The following SZT2 variants were observed in gnomAD, a reference collection of about 807,000 sequenced individuals.
SZT2 encodes KICSTOR complex protein SZT2.
In SZT2, 216 loss-of-function variants were observed where a neutral mutation model predicts 404.2. That is an observed-to-expected ratio of 0.53 (90% CI 0.48 to 0.60). The LOEUF is 0.60. SZT2 is among the 20% of genes least tolerant of loss of function. SZT2 has a pLI of 0.00. For synonymous variants in SZT2, 1,693 were observed against 1,749.9 expected, an observed-to-expected ratio of 0.97 and a Z score of 0.81; for missense variants, 3,857 against 4,459.2, an observed-to-expected ratio of 0.86 and a Z score of 3.85.
At position 43,420,314 on chromosome 1, in the gene SZT2, C is replaced by A; in HGVS notation, c.1252C>A (p.Leu418Met). ...GGGCTACAGTGTCCGAGAGGTCACA[C>A]TGGCCAAAGGTAAGGGTCATTAGGC... ...REGYSVREVTLAKGGSQLEVK... is the reference protein window; with the variant it reads ...REGYSVREVTMAKGGSQLEVK... The change falls in exon 9 of 72, where the codon CTG (leucine) becomes ATG (methionine). Residue 418 changes from leucine (L) to methionine (M), a missense_variant. Around this residue, in one of 7 missense-constraint regions of SZT2, gnomAD observed 536 missense variants for 637.4 expected, o/e 0.84. Coordinates refer to ENST00000634258, the MANE Select transcript of SZT2 (RefSeq NM_001365999.1). This position sits in a 1 kb window ranked among gnomAD's most constrained non-coding sequence, Gnocchi z 5.1. 6.3e-7 allele frequency: 1 copy of A among 1,591,816 alleles called. No homozygotes were observed. The highest frequency in any genetic ancestry group is 1.3e-5 in the African/African-American group (1 of 74,914).
intron 1 of SZT2, among the ~76,000 whole-genome samples, chr1:43,393,460 C>T (rs1050595899): frequency 9.9e-5 from 15 of 152,184 alleles, no homozygotes; most frequent in African/African-American, 3.6e-4. Flanking sequence ...AGCATTTGAT[C>T]CTAAGTGCTC....
Position 43,437,062 on chromosome 1 carries a change from G to A in SZT2, c.6035-109G>A. ...GATCATCATTTCTCTGCAATAGTCA[G>A]GGATGAGTCTGGAGGAGTGAGGACA... On this transcript the variant is annotated intron_variant, in intron 42 of 71. Coordinates refer to ENST00000634258, the MANE Select transcript of SZT2 (RefSeq NM_001365999.1). This position sits in a 1 kb window ranked among gnomAD's most constrained non-coding sequence, Gnocchi z 5.3. 1 of 1,387,764 alleles carries A rather than the reference G, an allele frequency of 7.2e-7. No homozygotes were observed. Among genetic ancestry groups the A allele is most frequent in the South Asian group, 1.3e-5 (1 of 76,528 alleles). 86.0% of individuals were successfully genotyped at this position (1,387,764 alleles called of 1,614,324 possible).
chr1:43,451,656 G>A lies in SZT2; in HGVS notation c.*1176G>A. 1.2e-6 allele frequency: 2 copies of A among 1,614,118 alleles called. No homozygotes were observed. Among genetic ancestry groups the A allele is most frequent in the Non-Finnish European group, 8.5e-7 (1 of 1,180,026 alleles). On this transcript the variant is annotated 3_prime_UTR_variant, in exon 72 of 72. Transcript: ENST00000634258. ...AAGGAAGGTCCTCTCACCAACAATG[G>A]GCAGGAACTCCCGGATGTTTCCTGT...
chr1:43,394,724 C>T (rs1648787018), intron 1 of SZT2, among the ~76,000 whole-genome samples: 1 of 151,566 alleles, frequency 6.6e-6, no homozygotes, highest in South Asian at 2.1e-4. Flanking sequence ...ACCAAAAATA[C>T]AAAATTAGCC....
At chr1:43,419,596 C>T (rs1652098683) in intron 7 of SZT2, 138 bp from the exon 8 acceptor site, 1 of 694,244 alleles carries the variant, frequency 1.4e-6, no homozygotes, top group Non-Finnish European at 2.4e-6. Context: ...GTGGTCTGTC[C>T]TGGGAAAACA....
Position 43,428,404 on chromosome 1 carries a change from C to T in SZT2, c.4084C>T (p.Pro1362Ser). Residue 1362 changes from proline (P) to serine (S), a missense_variant, in exon 28 of 72, where the codon CCT (proline) becomes TCT (serine). Around this residue, in one of 7 missense-constraint regions of SZT2, gnomAD observed 1,725 missense variants for 1,881.0 expected, o/e 0.92. Transcript: ENST00000634258. Reference protein sequence around the residue: ...GLPHAPPSPGPLSPGPFSSSM... With the variant: ...GLPHAPPSPGSLSPGPFSSSM... ...GCCTCATGCACCCCCAAGTCCTGGT[C>T]CTCTCAGCCCTGGGCCCTTCAGCAG... is the stretch of plus-strand genomic sequence containing the variant. 1.2e-6 allele frequency: 2 copies of T among 1,614,168 alleles called. No homozygotes were observed. The highest frequency in any genetic ancestry group is 2.2e-5 in the South Asian group (2 of 91,086).
In SZT2 at chr1:43,442,275, A is replaced by G; in HGVS notation, c.7881A>G (p.Lys2627=). 6.2e-7 allele frequency: 1 copy of G among 1,613,260 alleles called. No homozygotes were observed. Among genetic ancestry groups the G allele is most frequent in the Non-Finnish European group, 8.5e-7 (1 of 1,179,560 alleles). The change falls in exon 57 of 72, where the codon AAA becomes AAG. Residue 2627 remains lysine, a synonymous_variant. Transcript: ENST00000634258. This position sits in a 1 kb window ranked among gnomAD's most constrained non-coding sequence, Gnocchi z 4.5. The part of the protein sequence containing the change: ...QWRRPTQQAA[K]AMQRFEPGGD... ...CCCTCCCCCACCCTGTAGCTGCCAAAGCCATGCAGCGCTTCGAGCCAGGAG... is the reference window on the plus strand; with the variant it reads ...CCCTCCCCCACCCTGTAGCTGCCAAGGCCATGCAGCGCTTCGAGCCAGGAG...
At position 43,397,523 on chromosome 1, in the gene SZT2, CTTTTTTTTT is replaced by C. The variant is rs539953021; in HGVS notation, c.28-5652_28-5644del. 1.1e-3 allele frequency among the ~76,000 whole-genome samples: 165 copies of C among 147,152 alleles called. No individual in the cohort carries two copies. The East Asian group carries it at 0.022, about 20-fold the overall frequency. ...AAACAAACATTAAAGTATACAAATT[CTTTTTTTTT>C]TGAGATGGAGAGATGGATGGAGTCT... On this transcript the variant is annotated intron_variant, in intron 1 of 71. Transcript: ENST00000634258.
intron 1 of SZT2, among the ~76,000 whole-genome samples, chr1:43,390,793 T>C (rs1320257973): frequency 6.6e-6 from 1 of 152,150 alleles, no homozygotes; most frequent in Non-Finnish European, 1.5e-5. Context: ...GAGCTTAAAA[T>C]CTCAGATTCG....
At chr1:43,404,961 C>T (rs1193768840) in intron 4 of SZT2, 1 of 155,610 alleles carries the variant, frequency 6.4e-6, no homozygotes, top group Non-Finnish European at 1.4e-5. Flanking sequence ...AGCACATAAC[C>T]CAGAAATGTA....
chr1:43,432,688 G>A, intron 38 of SZT2, 40 bp from the exon 39 acceptor site: 5 of 1,613,660 alleles, frequency 3.1e-6, no homozygotes, highest in Non-Finnish European at 4.2e-6. Context: ...GCCCTAGACA[G>A]GATTGAGAGA....
intron 28 of SZT2, 23 bp downstream of exon 28, chr1:43,428,509 GGA>G: frequency 6.2e-7 from 1 of 1,608,390 alleles, no homozygotes; most frequent in Non-Finnish European, 8.5e-7. Flanking sequence ...CTTGAATGAT[GGA>G]TAAGGGGGTA....
At position 43,447,151 on chromosome 1, in the gene SZT2, G is replaced by T; in HGVS notation, c.9269G>T (p.Arg3090Leu). ...AHHPDGPHFGRNHIYQGTLEL... is the reference protein window; with the variant it reads ...AHHPDGPHFGLNHIYQGTLEL... ...CACCCTGACGGACCCCACTTTGGCC[G>T]CAATCACATTTACCAAGGTCAGTGC... The change falls in exon 66 of 72, where the codon CGC becomes CTC. Residue 3090 changes from arginine (R) to leucine (L), a missense_variant. By Grantham distance (102) the Arg-to-Leu change is moderately radical. Around this residue, in one of 7 missense-constraint regions of SZT2, gnomAD observed 717 missense variants for 868.2 expected, o/e 0.83. Coordinates refer to ENST00000634258, the MANE Select transcript of SZT2 (RefSeq NM_001365999.1). 6.2e-7 allele frequency: 1 copy of T among 1,611,960 alleles called. No homozygotes were observed. The highest frequency in any genetic ancestry group is 1.1e-5 in the South Asian group (1 of 90,796).
At chr1:43,411,544 T>G (rs1651041114) in intron 4 of SZT2, among the ~76,000 whole-genome samples, 1 of 152,188 alleles carries the variant, frequency 6.6e-6, no homozygotes, top group African/African-American at 2.4e-5. Flanking sequence ...TGGGAAGGGC[T>G]TTAGCCCCTT....
chr1:43,420,154 C>T lies in SZT2; in HGVS notation c.1092C>T (p.Gly364=), dbSNP rs763817564. 6.3e-7 allele frequency: 1 copy of T among 1,598,248 alleles called. No individual in the cohort carries two copies. The highest frequency in any genetic ancestry group is 8.5e-7 in the Non-Finnish European group (1 of 1,179,692). Residue 364 remains glycine, a splice_region_variant and synonymous_variant, in exon 9 of 72, where the codon GGC becomes GGT. Transcript: ENST00000634258. This position sits in a 1 kb window ranked among gnomAD's most constrained non-coding sequence, Gnocchi z 5.1. ...GEALNPEYYC[G]SQHRLFNEHL... ...TCCCCATCTCCACTGGTCTTCCAGG[C>T]TCTCAGCACCGCCTATTTAATGAGC...
In SZT2 at chr1:43,421,171, C is replaced by T; in HGVS notation, c.1497-3C>T. ...TGGCTCAGGCCTGGCCCTTATTCTA[C>T]AGCATCAACCAGACAGACCAGATGC... On this transcript the variant is annotated splice_region_variant and splice_polypyrimidine_tract_variant and intron_variant, in intron 10 of 71. Coordinates refer to ENST00000634258, the MANE Select transcript of SZT2 (RefSeq NM_001365999.1). 6.3e-7 allele frequency: 1 copy of T among 1,598,322 alleles called. No homozygotes were observed. The highest frequency in any genetic ancestry group is 8.5e-7 in the Non-Finnish European group (1 of 1,179,730).
chr1:43,430,155 C>T (rs538993219), intron 30 of SZT2, 52 bp downstream of exon 30: 2 of 1,603,282 alleles, frequency 1.2e-6, no homozygotes, highest in East Asian at 2.2e-5. Context: ...AGAGGCCCAC[C>T]CAGACCCTCT....
chr1:43,453,331 G>C lies in SZT2; in HGVS notation c.*2851G>C. On this transcript the variant is annotated 3_prime_UTR_variant, in exon 72 of 72. Coordinates refer to ENST00000634258, the MANE Select transcript of SZT2 (RefSeq NM_001365999.1). Reference sequence around the variant, plus strand: ...TCAGATCTGGCGTCCTCGACTCCCTGAACCTGCATCAGGGTCATGGGTCAC... The same window carrying C: ...TCAGATCTGGCGTCCTCGACTCCCTCAACCTGCATCAGGGTCATGGGTCAC... 8.7e-7 allele frequency: 1 copy of C among 1,154,650 alleles called. No homozygotes were observed. 71.5% of individuals were successfully genotyped at this position (1,154,650 alleles called of 1,614,324 possible). A position where few individuals can be genotyped will look rare whatever the true frequency, so the allele number is the denominator to read the frequency against.
At position 43,452,065 on chromosome 1, in the gene SZT2, C is replaced by T. The variant is rs375860662; in HGVS notation, c.*1585C>T. The T allele has an allele frequency of 2.6e-6, 4 of 1,565,404 alleles. No individual in the cohort carries two copies. The highest frequency in any genetic ancestry group is 1.3e-5 in the African/African-American group (1 of 74,132). On this transcript the variant is annotated 3_prime_UTR_variant, in exon 72 of 72. Transcript: ENST00000634258. ...AGAGCTCCTTCCCAAGTTTGTCCCC[C>T]ATCAGTCAGTCACTGGTCAAGGCCC...
Sources: gnomAD v4.1 joint callset for allele counts (sites outside exome capture counted in the v4.1 genomes callset) on GRCh38, gnomAD v4.1.1 for gene constraint, gnomAD v4.1.1 regional missense constraint, Gnocchi (gnomAD v3.1) non-coding constraint, MANE v1.5 for transcripts, NCBI Gene and HGNC (gene_info 2026-07-23, HGNC 2026-07-21) for gene names.